The following FSIP2 variants were observed in gnomAD, a reference collection of about 807,000 sequenced individuals.
The protein encoded by FSIP2 is fibrous sheath-interacting protein 2.
Under a neutral mutation model 510.5 loss-of-function variants are expected in FSIP2, and 367 were observed. That is an observed-to-expected ratio of 0.72 (90% CI 0.66 to 0.78). The LOEUF (loss-of-function observed/expected upper bound fraction) is 0.78, where lower values mean the gene tolerates loss of function less well. FSIP2 is among the 30% of genes least tolerant of loss of function. The pLI is 0.00. For missense variants in FSIP2, 7,594 were observed against 7,901.7 expected (o/e 0.96, Z 1.48); for synonymous variants, 2,601 against 2,732.2 (o/e 0.95, Z 1.50).
chr2:185,756,592 A>C (rs1032621840), intron 9 of FSIP2, among the ~76,000 whole-genome samples: 1 of 151,464 alleles, frequency 6.6e-6, no homozygotes, highest in Admixed American at 6.6e-5. Flanking sequence ...TGCTCAAAAT[A>C]ATCTCAGAAA....
At chr2:185,785,253 A>G (rs1352778210) in intron 14 of FSIP2, among the ~76,000 whole-genome samples, 1 of 152,100 alleles carries the variant, frequency 6.6e-6, no homozygotes, top group East Asian at 1.9e-4. Flanking sequence ...CATGTCACTG[A>G]CATCAGCTTT....
chr2:185,807,042 G>A lies in FSIP2; in HGVS notation c.17736G>A (p.Leu5912=), dbSNP rs1559035578. 1.9e-6 allele frequency: 3 copies of A among 1,592,872 alleles called. No homozygotes were observed. Among genetic ancestry groups the A allele is most frequent in the Admixed American group, 1.8e-5 (1 of 55,524 alleles). Residue 5912 remains leucine (L), a synonymous_variant, in exon 17 of 23, where the codon TTG becomes TTA. Transcript: ENST00000424728. The stretch of plus-strand genomic sequence containing the variant: ...AGATACCATCAATTGACAAAACATT[G>A]GTCAATAAAGTTGTTCACTCCTCTG... ...SDKIPSIDKT[L]VNKVVHSSVC... is the part of the protein sequence containing the mutation.
rs1693430902 is a variant in FSIP2, at chr2:185,801,368, C to T, written c.12062C>T (p.Ala4021Val). ...VNNVVNEFNN[A>V]QVTVLRNAEE... is the part of the protein sequence containing the mutation. ...AATGTAGTGAATGAATTTAATAATGCTCAAGTCACTGTTCTACGGAATGCT... is the reference window on the plus strand; with the variant it reads ...AATGTAGTGAATGAATTTAATAATGTTCAAGTCACTGTTCTACGGAATGCT... Residue 4021 changes from alanine to valine, a missense_variant, in exon 17 of 23, where the codon GCT becomes GTT. Coordinates refer to ENST00000424728, the MANE Select transcript of FSIP2 (RefSeq NM_173651.4). 1 of 1,533,978 alleles carries T rather than the reference C, an allele frequency of 6.5e-7. No homozygotes were observed. Among genetic ancestry groups the T allele is most frequent in the Non-Finnish European group, 8.7e-7 (1 of 1,145,526 alleles).
chr2:185,824,074 G>A (rs563855512), intron 19 of FSIP2, among the ~76,000 whole-genome samples: 5 of 151,896 alleles, frequency 3.3e-5, no homozygotes, highest in Non-Finnish European at 7.4e-5. Context: ...CCCAGGGGAT[G>A]GGGAGAGAGG....
At chr2:185,739,716 A>T (rs924330189) in intron 2 of FSIP2, among the ~76,000 whole-genome samples, 2 of 152,170 alleles carry the variant, frequency 1.3e-5, no homozygotes, top group African/African-American at 4.8e-5. Flanking sequence ...TCACGGTACC[A>T]TATTAATATT....
intron 19 of FSIP2, among the ~76,000 whole-genome samples, chr2:185,822,214 G>A (rs1166114120): frequency 2.0e-5 from 3 of 151,898 alleles, no homozygotes; most frequent in Non-Finnish European, 4.4e-5. Context: ...TACTGAAAAT[G>A]CTAGTCAGAA....
Position 185,814,044 on chromosome 2 carries a change from T to G in FSIP2, c.20325+2T>G, listed in dbSNP as rs780289769. On this transcript the variant is annotated splice_donor_variant, in intron 18 of 22. Coordinates refer to ENST00000424728, the MANE Select transcript of FSIP2 (RefSeq NM_173651.4). LOFTEE classifies it high-confidence loss of function. ...TGGGAGGAAAAGCCCCAGTGTAAGG[T>G]AAGTGATAAGCATGACTGTTAGTGA... 1 of 1,607,726 alleles carries G rather than the reference T, an allele frequency of 6.2e-7. No homozygotes were observed. Among genetic ancestry groups the G allele is most frequent in the South Asian group, 1.1e-5 (1 of 90,248 alleles).
chr2:185,782,594 C>A, intron 13 of FSIP2, 111 bp from the exon 14 acceptor site: 1 of 693,894 alleles, frequency 1.4e-6, no homozygotes, highest in Non-Finnish European at 2.5e-6. Flanking sequence ...TCCCTGAAAG[C>A]CTGTAAACGA....
At position 185,796,326 on chromosome 2, in the gene FSIP2, A is replaced by G; in HGVS notation, c.9190A>G (p.Ile3064Val). The G allele has an allele frequency of 6.5e-7, 1 of 1,533,972 alleles. No homozygotes were observed. The highest frequency in any genetic ancestry group is 8.7e-7 in the Non-Finnish European group (1 of 1,145,390). Residue 3064 changes from isoleucine to valine, a missense_variant, in exon 16 of 23, where the codon ATA (isoleucine) becomes GTA (valine). Ile to Val is a conservative substitution (Grantham distance 29). Coordinates refer to ENST00000424728, the MANE Select transcript of FSIP2 (RefSeq NM_173651.4). Reference protein sequence around the residue: ...ESNTINFKENIQNILLRVHSF... With the variant: ...ESNTINFKENVQNILLRVHSF... The stretch of plus-strand genomic sequence containing the variant: ...AAATACTATTAATTTCAAGGAAAAC[A>G]TACAGAATATCCTTCTACGGGTTCA...
intron 4 of FSIP2, chr2:185,744,790 G>A (rs571525693): frequency 7.2e-5 from 11 of 153,000 alleles, no homozygotes; most frequent in African/African-American, 2.4e-4. Context: ...TATCTGTAGT[G>A]TTCTACAGTG....
chr2:185,753,368 C>T (rs556066601), intron 7 of FSIP2, among the ~76,000 whole-genome samples: 2 of 151,398 alleles, frequency 1.3e-5, no homozygotes, highest in South Asian at 4.1e-4. Context: ...ATGTTTACCT[C>T]TGGTAGACCT....
chr2:185,827,177 T>A (rs533770455), intron 20 of FSIP2, among the ~76,000 whole-genome samples: 46 of 151,870 alleles, frequency 3.0e-4, no homozygotes, highest in Non-Finnish European at 6.2e-4. Flanking sequence ...TTAGGAATAT[T>A]ATCAGCCAAC....
intron 14 of FSIP2, among the ~76,000 whole-genome samples, chr2:185,783,412 C>T (rs918753945): frequency 3.3e-5 from 5 of 152,114 alleles, no homozygotes; most frequent in African/African-American, 1.2e-4. Context: ...CCAATGCCAT[C>T]ATCTTTTTTA....
intron 19 of FSIP2, among the ~76,000 whole-genome samples, chr2:185,824,110 G>C (rs1019309718): frequency 6.6e-6 from 1 of 151,778 alleles, no homozygotes; most frequent in Non-Finnish European, 1.5e-5. Flanking sequence ...TGTTTAATTG[G>C]TATACAGTTT....
At position 185,794,897 on chromosome 2, in the gene FSIP2, T is replaced by C; in HGVS notation, c.7761T>C (p.Thr2587=). The change falls in exon 16 of 23, where the codon ACT becomes ACC. Residue 2587 remains threonine, a synonymous_variant. Coordinates refer to ENST00000424728, the MANE Select transcript of FSIP2 (RefSeq NM_173651.4). The stretch of plus-strand genomic sequence containing the variant: ...TGAAACCATTAAGGTTTAGAGAAAC[T>C]AAACAAGCAGGAAAAATAAGTAATT... ...LLMKPLRFRE[T]KQAGKISNSP... is the part of the protein sequence containing the mutation. 2 of 1,534,374 alleles carry C rather than the reference T, an allele frequency of 1.3e-6. No homozygotes were observed. Among genetic ancestry groups the C allele is most frequent in the Non-Finnish European group, 8.7e-7 (1 of 1,145,722 alleles).
chr2:185,751,906 A>G (rs932971709), intron 7 of FSIP2, among the ~76,000 whole-genome samples: 1 of 150,952 alleles, frequency 6.6e-6, no homozygotes, highest in South Asian at 2.1e-4. Flanking sequence ...CATTTTATTT[A>G]TATACATACA....
Position 185,791,210 on chromosome 2 carries a change from A to C in FSIP2, c.4074A>C (p.Leu1358Phe). Residue 1358 changes from leucine (L) to phenylalanine (F), a missense_variant, in exon 16 of 23, where the codon TTA becomes TTC. Physicochemically the swap from Leu to Phe is conservative, Grantham distance 22. Transcript: ENST00000424728. ...IDDDILASPL[L>F]TCIYDMLLSS... ...ATGACATTTTGGCGAGTCCATTATT[A>C]ACCTGTATTTATGATATGTTGTTAT... 6.5e-7 allele frequency: 1 copy of C among 1,533,894 alleles called. No individual in the cohort carries two copies. The highest frequency in any genetic ancestry group is 8.7e-7 in the Non-Finnish European group (1 of 1,145,348).
At position 185,788,805 on chromosome 2, in the gene FSIP2, A is replaced by G; in HGVS notation, c.1669A>G (p.Ser557Gly). ...DDSILSSDSS[S>G]FCSTCSEDFT... ...CTCCATCCTCTCTTCAGATAGTTCAAGTTTCTGTAGCACGTGCAGTGAAGA... is the reference window on the plus strand; with the variant it reads ...CTCCATCCTCTCTTCAGATAGTTCAGGTTTCTGTAGCACGTGCAGTGAAGA... Residue 557 changes from serine (S) to glycine (G), a missense_variant, in exon 16 of 23, where the codon AGT becomes GGT. Physicochemically the swap from Ser to Gly is moderately conservative, Grantham distance 56 (BLOSUM62 0). Transcript: ENST00000424728. 6.5e-7 allele frequency: 1 copy of G among 1,534,564 alleles called. No individual in the cohort carries two copies. The highest frequency in any genetic ancestry group is 1.4e-5 in the African/African-American group (1 of 73,056).
chr2:185,810,317 G>A (rs1157856665), intron 17 of FSIP2, among the ~76,000 whole-genome samples: 1 of 151,964 alleles, frequency 6.6e-6, no homozygotes, highest in Non-Finnish European at 1.5e-5. Flanking sequence ...TGCTGTCTTT[G>A]CAATAGTGAA....
Sources: gnomAD v4.1 joint callset for allele counts (sites outside exome capture counted in the v4.1 genomes callset) on GRCh38, gnomAD v4.1.1 for gene constraint, MANE v1.5 for transcripts, NCBI Gene and HGNC (gene_info 2026-07-23, HGNC 2026-07-21) for gene names.